Variants in AP3B1 observed in about 807,000 individuals in gnomAD.
AP3B1 encodes AP-3 complex subunit beta-1.
AP3B1 carries 61 observed loss-of-function variants against 132.5 expected under a neutral mutation model. The ratio of observed to expected loss-of-function variants is 0.46; its 90% CI spans 0.37 to 0.57. The LOEUF (loss-of-function observed/expected upper bound fraction) is 0.57. Ranked by LOEUF, AP3B1 falls within the 20% of genes least tolerant of loss-of-function variation. The pLI is 0.00. For missense variants in AP3B1, 1,120 were observed against 1,289.4 expected, an observed-to-expected ratio of 0.87 and a Z score of 2.01; for synonymous variants, 388 against 438.3, an observed-to-expected ratio of 0.89 and a Z score of 1.43.
intron 24 of AP3B1, among the ~76,000 whole-genome samples, chr5:78,023,399 G>T (rs1400227792): frequency 6.6e-6 from 1 of 151,808 alleles, no homozygotes; most frequent in Non-Finnish European, 1.5e-5. Flanking sequence ...CTATGATCAC[G>T]CTACTGCACT....
intron 25 of AP3B1, among the ~76,000 whole-genome samples, chr5:78,020,370 C>A (rs1747039960): frequency 6.6e-6 from 1 of 152,056 alleles, no homozygotes; most frequent in Non-Finnish European, 1.5e-5. Context: ...TCGGTAAAGT[C>A]CCCAATTCCT....
chr5:78,050,525 G>A, intron 22 of AP3B1, among the ~76,000 whole-genome samples: 1 of 150,410 alleles, frequency 6.6e-6, no homozygotes, highest in East Asian at 1.9e-4. Context: ...AACACACTGT[G>A]GTGATATGTG....
At chr5:78,003,630 T>G (rs1229329542) in intron 26 of AP3B1, 1 of 162,704 alleles carries the variant, frequency 6.1e-6, no homozygotes, top group Non-Finnish European at 1.3e-5. Context: ...CAAAATCACG[T>G]GACAGCTAAG....
chr5:78,288,706 T>C (rs1431898167), intron 1 of AP3B1, among the ~76,000 whole-genome samples: 2 of 152,196 alleles, frequency 1.3e-5, no homozygotes, highest in Non-Finnish European at 2.9e-5. Flanking sequence ...CTGAAAATAT[T>C]TTATTAAGCA....
rs576911368 is a variant in AP3B1 at position 78,050,855 on chromosome 5, G to A, written c.2578-11581C>T. 1.1e-4 allele frequency among the ~76,000 whole-genome samples: 17 copies of A among 152,092 alleles called. No individual in the cohort carries two copies. The East Asian group carries it at 3.1e-3, about 28-fold the overall frequency. On this transcript the variant is annotated intron_variant, in intron 22 of 26. Coordinates refer to ENST00000255194, the MANE Select transcript of AP3B1 (RefSeq NM_003664.5). ...ATATAGGTCATCTTTACTATGGCTC[G>A]TGAGGAAGTAATTAGTTCAGTAACT... is the stretch of plus-strand genomic sequence containing the variant.
intron 22 of AP3B1, among the ~76,000 whole-genome samples, chr5:78,046,727 A>C (rs181291105): frequency 2.8e-4 from 43 of 152,084 alleles, no homozygotes; most frequent in African/African-American, 9.6e-4. Context: ...AAATACTTTA[A>C]GTTCTGGGAT....
intron 6 of AP3B1, among the ~76,000 whole-genome samples, chr5:78,221,774 TAAAAA>T (rs199981655): frequency 6.6e-6 from 1 of 150,438 alleles, no homozygotes; most frequent in African/African-American, 2.4e-5. Flanking sequence ...ATTATAATCT[TAAAAA>T]AAAACACTTT....
intron 7 of AP3B1, among the ~76,000 whole-genome samples, chr5:78,181,936 T>C (rs998272210): frequency 5.3e-5 from 8 of 152,166 alleles, no homozygotes; most frequent in Non-Finnish European, 1.2e-4. Flanking sequence ...GAAATACCTA[T>C]AGTCCTTCAA....
chr5:78,189,388 A>C (rs1744733599), intron 7 of AP3B1, among the ~76,000 whole-genome samples: 1 of 152,148 alleles, frequency 6.6e-6, no homozygotes, highest in Non-Finnish European at 1.5e-5. Context: ...AAATATGAAC[A>C]CTTTACAGAG....
intron 9 of AP3B1, 145 bp downstream of exon 9, chr5:78,177,194 T>A: frequency 1.6e-6 from 1 of 624,326 alleles, no homozygotes; most frequent in African/African-American, 1.8e-5. Context: ...ACTTTTATAA[T>A]AATCCCCTTA....
rs537532701 is a variant in AP3B1 at position 78,219,812 on chromosome 5, A to G, written c.604-3575T>C. Among the ~76,000 whole-genome samples, 503 of 152,294 alleles carry G rather than the reference A, an allele frequency of 3.3e-3. 2 individuals are homozygous for G. The highest frequency in any genetic ancestry group is 3.6e-3 in the Non-Finnish European group (248 of 68,000). On this transcript the variant is annotated intron_variant, in intron 6 of 26. Coordinates refer to ENST00000255194, the MANE Select transcript of AP3B1 (RefSeq NM_003664.5). ...TAGCCTAAAAGAAGCAACAGATGGT[A>G]TGCCTCAAAATCAACAGAGGTTAAA...
chr5:78,091,707 A>G (rs1223407211), intron 21 of AP3B1, among the ~76,000 whole-genome samples: 1 of 152,186 alleles, frequency 6.6e-6, no homozygotes, highest in Non-Finnish European at 1.5e-5. Flanking sequence ...AAATTGAAAA[A>G]CTAAGGGGAC....
chr5:78,189,874 A>G (rs534206666), intron 7 of AP3B1, among the ~76,000 whole-genome samples: 1 of 55,512 alleles, frequency 1.8e-5, no homozygotes, highest in African/African-American at 9.3e-5. Flanking sequence ...CATCTCAAAT[A>G]AAATAAAATA....
intron 22 of AP3B1, chr5:78,041,979 C>T (rs1222822710): frequency 5.1e-6 from 1 of 197,762 alleles, no homozygotes; most frequent in Non-Finnish European, 1.1e-5. Flanking sequence ...CATCAGTGGG[C>T]TTGGCTGTAT....
intron 7 of AP3B1, among the ~76,000 whole-genome samples, chr5:78,215,142 A>G (rs1248856946): frequency 6.6e-6 from 1 of 152,194 alleles, no homozygotes; most frequent in East Asian, 1.9e-4. Flanking sequence ...AGATGTACTG[A>G]GCACTCAAGG....
intron 7 of AP3B1, among the ~76,000 whole-genome samples, chr5:78,183,407 A>T (rs950679130): frequency 4.6e-5 from 7 of 152,236 alleles, no homozygotes; most frequent in Non-Finnish European, 1.0e-4. Flanking sequence ...TCCAAGAGAA[A>T]GGAAGATCTC....
At chr5:78,161,187 T>G (rs574792456) in intron 13 of AP3B1, among the ~76,000 whole-genome samples, 26 of 152,140 alleles carry the variant, frequency 1.7e-4, no homozygotes, top group Admixed American at 1.6e-3. Context: ...AATATTTATC[T>G]TTTAAAGTCA....
At chr5:78,063,888 T>C (rs1399355804) in intron 22 of AP3B1, among the ~76,000 whole-genome samples, 1 of 152,012 alleles carries the variant, frequency 6.6e-6, no homozygotes, top group Non-Finnish European at 1.5e-5. Context: ...AATGATAAAA[T>C]ATGTAAACAT....
At chr5:78,161,668 C>A (rs533562092) in intron 13 of AP3B1, among the ~76,000 whole-genome samples, 1 of 151,904 alleles carries the variant, frequency 6.6e-6, no homozygotes, top group Non-Finnish European at 1.5e-5. Context: ...TTAAACCTAT[C>A]GTCTTGATAA....
Sources: gnomAD v4.1 joint callset for allele counts (sites outside exome capture counted in the v4.1 genomes callset) on GRCh38, gnomAD v4.1.1 for gene constraint, MANE v1.5 for transcripts, NCBI Gene and HGNC (gene_info 2026-07-23, HGNC 2026-07-21) for gene names.